The following SYN3 variants were observed in gnomAD, a reference collection of about 807,000 sequenced individuals.
SYN3 encodes synapsin-3.
Under a neutral mutation model 65.8 loss-of-function variants are expected in SYN3, and 35 were observed. The ratio of observed to expected loss-of-function variants is 0.53; its 90% CI spans 0.41 to 0.70. SYN3 has a LOEUF of 0.70. SYN3 is among the 30% of genes least tolerant of loss of function. The probability of loss-of-function intolerance (pLI) is 0.00; values close to 1 mark genes in which losing one functional copy is unlikely to be tolerated. For synonymous variants in SYN3, 270 were observed against 292.9 expected, an observed-to-expected ratio of 0.92 and a Z score of 0.80; for missense variants, 680 against 749.0, an observed-to-expected ratio of 0.91 and a Z score of 1.08.
At chr22:32,974,580 G>A (rs1373958550) in intron 3 of SYN3, among the ~76,000 whole-genome samples, 1 of 152,070 alleles carries the variant, frequency 6.6e-6, no homozygotes, top group African/African-American at 2.4e-5. Flanking sequence ...GGCATTCCAG[G>A]TTGCTGCAAC....
intron 12 of SYN3, among the ~76,000 whole-genome samples, chr22:32,525,535 G>A (rs557889172): frequency 5.3e-5 from 8 of 151,990 alleles, no homozygotes; most frequent in South Asian, 4.2e-4. Context: ...GTGAAACCCC[G>A]TCTCTACTAA....
intron 6 of SYN3, among the ~76,000 whole-genome samples, chr22:32,773,297 C>T (rs1778334128): frequency 6.6e-6 from 1 of 151,134 alleles, no homozygotes; most frequent in Non-Finnish European, 1.5e-5. Context: ...GTCCCAACTA[C>T]TTGGGAGGCT....
intron 13 of SYN3, among the ~76,000 whole-genome samples, chr22:32,516,346 G>GATTGATTTATTTATTT (rs779603620): frequency 0.016 from 2,447 of 149,862 alleles, 85 homozygotes; most frequent in African/African-American, 0.059. Flanking sequence ...ATACATCTTT[G>GATTGATTTATTTATTT]ATTTATTTAT....
intron 3 of SYN3, among the ~76,000 whole-genome samples, chr22:32,978,433 C>G (rs2052273853): frequency 6.6e-6 from 1 of 152,050 alleles, no homozygotes; most frequent in Admixed American, 6.6e-5. Context: ...GATGATGTGT[C>G]CTATTTTGGA....
At position 32,509,603 on chromosome 22, in the gene SYN3, C is replaced by G. The variant is rs2146025904; in HGVS notation, c.*4089G>C. ...TATTATTTTGAGACAGAGTCTCACT[C>G]TGTTGCCCAGGCTGGAGTGCAGTGG... On this transcript the variant is annotated 3_prime_UTR_variant, in exon 14 of 14. Coordinates refer to ENST00000358763, the MANE Select transcript of SYN3 (RefSeq NM_003490.4). Among the ~76,000 whole-genome samples, 1 of 152,054 alleles carries G rather than the reference C, an allele frequency of 6.6e-6. No homozygotes were observed. The highest frequency in any genetic ancestry group is 1.9e-4 in the East Asian group (1 of 5,164).
chr22:32,567,355 T>TCCC (rs2058687155), intron 7 of SYN3, among the ~76,000 whole-genome samples: 12 of 53,270 alleles, frequency 2.3e-4, no homozygotes, highest in Non-Finnish European at 3.9e-4. Context: ...CCTCCCTCCC[T>TCCC]TCTTTCCTTC....
chr22:32,973,574 G>A (rs981505646), intron 3 of SYN3, among the ~76,000 whole-genome samples: 2 of 152,174 alleles, frequency 1.3e-5, no homozygotes, highest in South Asian at 2.1e-4. Flanking sequence ...TTCCTTATTA[G>A]TTCAGCACTA....
At chr22:32,717,090 T>A (rs1005963653) in intron 6 of SYN3, among the ~76,000 whole-genome samples, 13 of 152,148 alleles carry the variant, frequency 8.5e-5, no homozygotes, top group Admixed American at 5.9e-4. Flanking sequence ...TATCAACTCA[T>A]TTAGTCCTGT....
At position 32,675,003 on chromosome 22, in the gene SYN3, C is replaced by T. The variant is rs1055894597; in HGVS notation, c.712-78267G>A. ...CAGATGTACCCCTTGTCACACACCT[C>T]AGCTGTGCCGGGCCAAAGACTGAAC... is the stretch of plus-strand genomic sequence containing the variant. On this transcript the variant is annotated intron_variant, in intron 6 of 13. Coordinates refer to ENST00000358763, the MANE Select transcript of SYN3 (RefSeq NM_003490.4). Among the ~76,000 whole-genome samples, 32 of 152,326 alleles carry T rather than the reference C, an allele frequency of 2.1e-4. 1 individual carries two copies. In the East Asian group the frequency reaches 5.4e-3, roughly 26 times the overall value.
intron 6 of SYN3, among the ~76,000 whole-genome samples, chr22:32,770,453 T>C (rs2045739186): frequency 6.6e-6 from 1 of 152,094 alleles, no homozygotes; most frequent in Non-Finnish European, 1.5e-5. Flanking sequence ...ATCTCTACCC[T>C]CATCTTCTGC....
chr22:32,828,464 T>C (rs1181701433), intron 6 of SYN3, among the ~76,000 whole-genome samples: 1 of 152,194 alleles, frequency 6.6e-6, no homozygotes, highest in Non-Finnish European at 1.5e-5. Flanking sequence ...CCTGGCTGGG[T>C]GCTGTGCACC....
At chr22:32,980,256 C>A (rs916459795) in intron 3 of SYN3, among the ~76,000 whole-genome samples, 1 of 152,138 alleles carries the variant, frequency 6.6e-6, no homozygotes, top group Non-Finnish European at 1.5e-5. Context: ...GGATTCAAGG[C>A]CCTTCATTAT....
At chr22:32,715,415 G>T (rs1052076069) in intron 6 of SYN3, among the ~76,000 whole-genome samples, 2 of 152,146 alleles carry the variant, frequency 1.3e-5, no homozygotes, top group African/African-American at 4.8e-5. Context: ...ACACACTTTG[G>T]GAATTGCTGA....
intron 4 of SYN3, among the ~76,000 whole-genome samples, chr22:32,892,830 A>G (rs1232495609): frequency 6.6e-6 from 1 of 152,186 alleles, no homozygotes. Context: ...CCTGGAGATT[A>G]TCTGGGGGAA....
In SYN3 at chr22:32,801,812, A is replaced by T; in HGVS notation, c.711+63103T>A. On this transcript the variant is annotated intron_variant, in intron 6 of 13. Coordinates refer to ENST00000358763, the MANE Select transcript of SYN3 (RefSeq NM_003490.4). This position sits in a 1 kb window ranked among gnomAD's most constrained non-coding sequence, Gnocchi z 4.7. ...GAGGCCGCCCGCCGAGTCCTGCGCC[A>T]GCGCCGAGGCAGCCTCGCTGCGCCC... The T allele has an allele frequency of 1.8e-6, 1 of 555,692 alleles. No individual in the cohort carries two copies. Among genetic ancestry groups the T allele is most frequent in the Non-Finnish European group, 2.5e-6 (1 of 400,090 alleles). 34.4% of individuals were successfully genotyped at this position (555,692 alleles called of 1,614,324 possible).
Position 33,006,854 on chromosome 22 carries a change from G to A in SYN3, c.-162-30C>T. 1.3e-5 allele frequency: 7 copies of A among 538,468 alleles called. No homozygotes were observed. In the South Asian group the frequency reaches 2.4e-4, roughly 18 times the overall value. 33.4% of individuals were successfully genotyped at this position (538,468 alleles called of 1,614,324 possible). ...AAATAAGCCAACAAATACATAAGTG[G>A]AAACGACCTCCACCCCCTTAAGAGC... On this transcript the variant is annotated intron_variant, in intron 1 of 13. Coordinates refer to ENST00000358763, the MANE Select transcript of SYN3 (RefSeq NM_003490.4).
At chr22:32,893,434 A>G (rs2049505299) in intron 4 of SYN3, among the ~76,000 whole-genome samples, 1 of 152,196 alleles carries the variant, frequency 6.6e-6, no homozygotes, top group Non-Finnish European at 1.5e-5. Context: ...CAGAGAAAGG[A>G]GCCTTTGTCA....
chr22:32,756,346 A>C (rs1386155042), intron 6 of SYN3, among the ~76,000 whole-genome samples: 1 of 152,256 alleles, frequency 6.6e-6, no homozygotes, highest in Non-Finnish European at 1.5e-5. Context: ...TGGGTGCAGC[A>C]CACCAACATG....
chr22:32,508,253 T>C lies in SYN3; in HGVS notation c.*5439A>G, dbSNP rs955604592. ...CACCTTAACTGAGTGATTAACCCTGTAAATTTCCTTCTTCTGGCTCAGAAG... is the reference window on the plus strand; with the variant it reads ...CACCTTAACTGAGTGATTAACCCTGCAAATTTCCTTCTTCTGGCTCAGAAG... On this transcript the variant is annotated 3_prime_UTR_variant, in exon 14 of 14. Coordinates refer to ENST00000358763, the MANE Select transcript of SYN3 (RefSeq NM_003490.4). 1.3e-5 allele frequency among the ~76,000 whole-genome samples: 2 copies of C among 152,130 alleles called. No individual in the cohort carries two copies. Among genetic ancestry groups the C allele is most frequent in the Non-Finnish European group, 2.9e-5 (2 of 68,030 alleles).
Sources: gnomAD v4.1 joint callset for allele counts (sites outside exome capture counted in the v4.1 genomes callset) on GRCh38, gnomAD v4.1.1 for gene constraint, Gnocchi (gnomAD v3.1) non-coding constraint, MANE v1.5 for transcripts, NCBI Gene and HGNC (gene_info 2026-07-23, HGNC 2026-07-21) for gene names.